The following AGBL1 variants were observed in gnomAD, a reference collection of about 807,000 sequenced individuals.
AGBL1 encodes the protein AGBL carboxypeptidase 1.
A neutral mutation model predicts 118.9 loss-of-function variants in AGBL1; 130 were observed. That is an observed-to-expected ratio of 1.09 (90% CI 0.95 to 1.26). The LOEUF is 1.26. Ranked by LOEUF, AGBL1 falls within the 50% of genes most tolerant of loss-of-function variation. AGBL1 has a pLI of 0.00. For synonymous variants in AGBL1, 555 were observed against 478.9 expected (o/e 1.16, Z -2.08); for missense variants, 1,584 against 1,298.1 (o/e 1.22, Z -3.38).
At chr15:86,528,583 G>GCTCGAA (rs1235511819) in intron 19 of AGBL1, among the ~76,000 whole-genome samples, 1 of 134,754 alleles carries the variant, frequency 7.4e-6, no homozygotes, top group Non-Finnish European at 1.6e-5. Context: ...CAGCCGGGAA[G>GCTCGAA]CTCGAACTGG....
At chr15:86,875,645 T>C (rs187918417) in intron 22 of AGBL1, among the ~76,000 whole-genome samples, 1 of 152,342 alleles carries the variant, frequency 6.6e-6, no homozygotes, top group Non-Finnish European at 1.5e-5. Context: ...AATGTTTGCA[T>C]AGGATATTGA....
intron 24 of AGBL1, among the ~76,000 whole-genome samples, chr15:87,017,399 A>T (rs1379982841): frequency 6.6e-6 from 1 of 152,116 alleles, no homozygotes; most frequent in Admixed American, 6.6e-5. Context: ...ACATGTCCGT[A>T]CTTCCCTGGG....
intron 22 of AGBL1, among the ~76,000 whole-genome samples, chr15:86,816,170 G>A (rs1596509510): frequency 6.6e-6 from 1 of 152,160 alleles, no homozygotes; most frequent in East Asian, 1.9e-4. Flanking sequence ...GAGAACTTGG[G>A]AACACCCACC....
At chr15:86,703,010 C>G (rs2086386725) in intron 22 of AGBL1, among the ~76,000 whole-genome samples, 1 of 152,128 alleles carries the variant, frequency 6.6e-6, no homozygotes, top group Non-Finnish European at 1.5e-5. Context: ...TCAAAGAAGA[C>G]TGAGAATACA....
At chr15:86,521,126 A>T (rs184842397) in intron 18 of AGBL1, among the ~76,000 whole-genome samples, 4 of 152,206 alleles carry the variant, frequency 2.6e-5, no homozygotes, top group African/African-American at 9.6e-5. Context: ...ATTAATCTGA[A>T]GATTTTTAGT....
chr15:86,661,239 C>A (rs2085533073), intron 21 of AGBL1, among the ~76,000 whole-genome samples: 1 of 152,078 alleles, frequency 6.6e-6, no homozygotes. Context: ...TTATTCCCTT[C>A]AATGATCCTT....
chr15:86,568,028 C>T (rs2083942102), intron 21 of AGBL1, among the ~76,000 whole-genome samples: 1 of 152,120 alleles, frequency 6.6e-6, no homozygotes, highest in Admixed American at 6.5e-5. Flanking sequence ...TGGCTTTTGT[C>T]ATGAAGTCTC....
intron 24 of AGBL1, among the ~76,000 whole-genome samples, chr15:86,997,470 C>A (rs1339870322): frequency 6.6e-6 from 1 of 152,168 alleles, no homozygotes; most frequent in African/African-American, 2.4e-5. Context: ...TAAATTAATT[C>A]TCAGCTTCAG....
At chr15:87,002,750 A>G (rs189430504) in intron 24 of AGBL1, among the ~76,000 whole-genome samples, 26 of 152,106 alleles carry the variant, frequency 1.7e-4, no homozygotes, top group African/African-American at 4.8e-4. Context: ...TTTGTGAATG[A>G]GAGTTCACTC....
chr15:86,268,564 G>A (rs1193620005), intron 13 of AGBL1, among the ~76,000 whole-genome samples: 4 of 152,152 alleles, frequency 2.6e-5, no homozygotes, highest in Non-Finnish European at 4.4e-5. Flanking sequence ...TATGGTCAGG[G>A]TAATAGAGTC....
chr15:86,465,110 C>A (rs180881989), intron 18 of AGBL1, among the ~76,000 whole-genome samples: 1 of 152,118 alleles, frequency 6.6e-6, no homozygotes, highest in African/African-American at 2.4e-5. Context: ...GAAGCCATGG[C>A]AGAACATCAT....
chr15:86,477,941 G>T (rs1302342557), intron 18 of AGBL1, among the ~76,000 whole-genome samples: 4 of 151,962 alleles, frequency 2.6e-5, no homozygotes, highest in Non-Finnish European at 4.4e-5. Context: ...CGCAAATCAA[G>T]AAACATAATC....
rs1009057075 is a variant in AGBL1 at position 86,451,037 on chromosome 15, A to G, written c.2555+53491A>G. ...ATCCATTCTTTCTTTGAGAATGTTAATTTAGAAATGTATACATATGTACAG... is the reference window on the plus strand; with the variant it reads ...ATCCATTCTTTCTTTGAGAATGTTAGTTTAGAAATGTATACATATGTACAG... On this transcript the variant is annotated intron_variant, in intron 18 of 22. Coordinates refer to ENST00000614907, the MANE Select transcript of AGBL1 (RefSeq NM_001386094.1). 2.0e-5 allele frequency among the ~76,000 whole-genome samples: 3 copies of G among 152,200 alleles called. No individual in the cohort carries two copies. In the East Asian group the frequency reaches 5.8e-4, roughly 29 times the overall value.
intron 5 of AGBL1, among the ~76,000 whole-genome samples, chr15:86,216,217 C>T (rs1041555932): frequency 6.7e-6 from 1 of 148,768 alleles, no homozygotes; most frequent in Non-Finnish European, 1.5e-5. Flanking sequence ...TCTTATTTTC[C>T]AAACTACATG....
intron 5 of AGBL1, among the ~76,000 whole-genome samples, chr15:86,175,771 G>A (rs1286647312): frequency 6.6e-6 from 1 of 152,078 alleles, no homozygotes; most frequent in East Asian, 1.9e-4. Flanking sequence ...CCATTCAAGA[G>A]CATGTTGTTT....
In AGBL1 at chr15:86,615,474, C is replaced by A. The variant is rs1402016976; in HGVS notation, c.2995-58799C>A. 6.6e-6 allele frequency among the ~76,000 whole-genome samples: 1 copy of A among 152,116 alleles called. No homozygotes were observed. The highest frequency in any genetic ancestry group is 1.5e-5 in the Non-Finnish European group (1 of 68,032). ...TTACTGTGGCTTTAACTAAAATAGG[C>A]AACACAAATTGCAGGAACAGATGTA... On this transcript the variant is annotated intron_variant, in intron 21 of 22. Transcript: ENST00000614907. The surrounding 1 kb of genome is among the most constrained non-coding windows in gnomAD (Gnocchi z 4.3).
chr15:86,569,703 G>C (rs936392197), intron 21 of AGBL1, among the ~76,000 whole-genome samples: 11 of 152,136 alleles, frequency 7.2e-5, no homozygotes, highest in African/African-American at 2.7e-4. Context: ...AATATTAAAA[G>C]GAATTAAATA....
intron 22 of AGBL1, among the ~76,000 whole-genome samples, chr15:86,865,407 G>T (rs2079612200): frequency 6.6e-6 from 1 of 152,148 alleles, no homozygotes; most frequent in East Asian, 1.9e-4. Flanking sequence ...CATTTTGGAG[G>T]TACCCTTTGT....
At chr15:86,491,821 T>C (rs1220886911) in intron 18 of AGBL1, among the ~76,000 whole-genome samples, 1 of 151,596 alleles carries the variant, frequency 6.6e-6, no homozygotes, top group Non-Finnish European at 1.5e-5. Context: ...AGTGATGTTA[T>C]GCTCAGTTTT....
Sources: gnomAD v4.1 joint callset for allele counts (sites outside exome capture counted in the v4.1 genomes callset) on GRCh38, gnomAD v4.1.1 for gene constraint, Gnocchi (gnomAD v3.1) non-coding constraint, MANE v1.5 for transcripts, NCBI Gene and HGNC (gene_info 2026-07-23, HGNC 2026-07-21) for gene names.